The following TRAPPC8 variants were observed in gnomAD, a reference collection of about 807,000 sequenced individuals.
The protein encoded by TRAPPC8 is general sporulation gene 1 homolog.
Under a neutral mutation model 174.3 loss-of-function variants are expected in TRAPPC8, and 54 were observed. The observed-to-expected ratio is 0.31, with a 90% confidence interval of 0.25 to 0.39. TRAPPC8 has a LOEUF of 0.39. Ranked by LOEUF, TRAPPC8 falls within the 10% of genes least tolerant of loss-of-function variation. The pLI is 1.00. For synonymous variants in TRAPPC8, 630 were observed against 579.9 expected (o/e 1.09, Z -1.24); for missense variants, 1,531 against 1,699.1 (o/e 0.90, Z 1.74).
intron 12 of TRAPPC8, among the ~76,000 whole-genome samples, chr18:31,879,905 A>T (rs1433915491): frequency 2.0e-5 from 3 of 150,984 alleles, no homozygotes; most frequent in African/African-American, 7.3e-5. Flanking sequence ...ATCTCCCAAG[A>T]CTGAACAAGG....
Position 31,907,318 on chromosome 18 carries a change from A to G in TRAPPC8, c.1389+142T>C, listed in dbSNP as rs1395669815. 5.4e-6 allele frequency: 4 copies of G among 742,928 alleles called. No individual in the cohort carries two copies. In the Admixed American group the frequency reaches 1.5e-4, roughly 27 times the overall value. The allele number at this position is 742,928 out of a possible 1,614,324, so 46.0% of individuals were successfully genotyped here. A position where few individuals can be genotyped will look rare whatever the true frequency, so the allele number is the denominator to read the frequency against. On this transcript the variant is annotated intron_variant, in intron 9 of 28. Coordinates refer to ENST00000283351, the MANE Select transcript of TRAPPC8 (RefSeq NM_014939.5). ...TCTGAGGGAAATCCATCAACTCAGC[A>G]TTAAGGAATTAACAATCTGTAAAGT...
In TRAPPC8 at chr18:31,886,348, A is replaced by AGT. The variant is rs1568092530; in HGVS notation, c.1728+4386_1728+4387insAC. ...TTTTTAAGTGATGTTTCTTGAGGAA[A>AGT]AAAAAAAAAAAAAAAAAAGGCAACC... On this transcript the variant is annotated intron_variant, in intron 12 of 28. Transcript: ENST00000283351. 5.2e-3 allele frequency among the ~76,000 whole-genome samples: 746 copies of AGT among 144,232 alleles called. 4 individuals carry two copies. The highest frequency in any genetic ancestry group is 0.019 in the African/African-American group (707 of 36,642). 94.6% of individuals were successfully genotyped at this position (144,232 alleles called of 152,430 possible).
At chr18:31,934,711 T>C (rs1418784300) in intron 1 of TRAPPC8, among the ~76,000 whole-genome samples, 1 of 151,660 alleles carries the variant, frequency 6.6e-6, no homozygotes, top group African/African-American at 2.4e-5. Context: ...CTACTAAAAA[T>C]ACAAAATTAG....
chr18:31,866,000 T>C (rs2034568595), intron 18 of TRAPPC8, among the ~76,000 whole-genome samples: 2 of 152,074 alleles, frequency 1.3e-5, no homozygotes, highest in East Asian at 3.9e-4. Flanking sequence ...TGAATTATCC[T>C]AGATACCCAG....
intron 20 of TRAPPC8, 139 bp downstream of exon 20, chr18:31,857,401 C>CA: frequency 1.2e-6 from 1 of 806,870 alleles, no homozygotes; most frequent in Non-Finnish European, 1.8e-6. Context: ...CTATTTGAGA[C>CA]AATTTCAGAT....
intron 10 of TRAPPC8, among the ~76,000 whole-genome samples, chr18:31,898,248 A>C (rs769421866): frequency 2.0e-5 from 3 of 151,950 alleles, no homozygotes; most frequent in Non-Finnish European, 2.9e-5. Context: ...AAATATTTTT[A>C]ATCTGCAATT....
chr18:31,861,140 G>A (rs558256527), intron 19 of TRAPPC8, among the ~76,000 whole-genome samples: 1 of 152,208 alleles, frequency 6.6e-6, no homozygotes, highest in Admixed American at 6.5e-5. Flanking sequence ...CCGCAGAAAT[G>A]GTGAATAAAT....
chr18:31,865,232 GAATATA>G (rs1457375968), intron 18 of TRAPPC8, among the ~76,000 whole-genome samples: 3 of 151,938 alleles, frequency 2.0e-5, no homozygotes, highest in Non-Finnish European at 4.4e-5. Flanking sequence ...ATTATTTCTG[GAATATA>G]AATAACTGAA....
At chr18:31,918,081 A>G (rs984986908) in intron 2 of TRAPPC8, among the ~76,000 whole-genome samples, 11 of 152,142 alleles carry the variant, frequency 7.2e-5, no homozygotes, top group African/African-American at 2.7e-4. Flanking sequence ...AGCTGAAATC[A>G]CACCACTGCA....
chr18:31,849,782 A>G, intron 24 of TRAPPC8, 43 bp from the exon 25 acceptor site: 1 of 1,509,234 alleles, frequency 6.6e-7, no homozygotes, highest in African/African-American at 1.4e-5. Flanking sequence ...GCTTTTAATT[A>G]TGTTGTCAAA....
At position 31,908,374 on chromosome 18, in the gene TRAPPC8, A is replaced by T. The variant is rs746425198; in HGVS notation, c.1167T>A (p.Thr389=). ...CTTTACTGCCACTAAACCATTTTTT[A>T]GTTGCAGAAAATAGAGATCGACTCA... ...KGLSRSLFSA[T]KKWFSGSKVP... Residue 389 remains threonine (T), a synonymous_variant, in exon 8 of 29, where the codon ACT becomes ACA. Transcript: ENST00000283351. The T allele has an allele frequency of 6.2e-7, 1 of 1,605,720 alleles. No homozygotes were observed. The highest frequency in any genetic ancestry group is 1.3e-5 in the African/African-American group (1 of 74,540).
intron 26 of TRAPPC8, chr18:31,844,623 G>C (rs1285225577): frequency 1.3e-5 from 2 of 150,670 alleles, no homozygotes; most frequent in African/African-American, 4.9e-5. Flanking sequence ...GAAAGCACGT[G>C]AACAATGGCC....
At chr18:31,899,338 C>T (rs1434918412) in intron 10 of TRAPPC8, among the ~76,000 whole-genome samples, 3 of 152,156 alleles carry the variant, frequency 2.0e-5, no homozygotes, top group South Asian at 2.1e-4. Flanking sequence ...GTTATTAAGA[C>T]TAAATGAGCA....
chr18:31,891,551 C>T (rs560519251), intron 11 of TRAPPC8, among the ~76,000 whole-genome samples: 37 of 152,276 alleles, frequency 2.4e-4, no homozygotes, highest in South Asian at 4.1e-4. Flanking sequence ...TACTACATTA[C>T]GTCACTGCCC....
chr18:31,939,876 C>G (rs532755963), intron 1 of TRAPPC8: 1 of 152,356 alleles, frequency 6.6e-6, no homozygotes, highest in East Asian at 1.9e-4. Context: ...TGTCTCAAAA[C>G]AAAAAACAAA....
chr18:31,926,015 CAG>C (rs1439802261), intron 2 of TRAPPC8, among the ~76,000 whole-genome samples: 2 of 152,140 alleles, frequency 1.3e-5, no homozygotes, highest in Non-Finnish European at 2.9e-5. Flanking sequence ...TGAAATACTA[CAG>C]AGAAGTGAAG....
chr18:31,855,572 T>C lies in TRAPPC8; in HGVS notation c.3336+88A>G, dbSNP rs189907952. 706 of 1,161,460 alleles carry C rather than the reference T, an allele frequency of 6.1e-4. 1 individual carries two copies. In the African/African-American group the frequency reaches 0.01, roughly 17 times the overall value. The allele number at this position is 1,161,460 out of a possible 1,614,324, so 71.9% of individuals were successfully genotyped here. A position where few individuals can be genotyped will look rare whatever the true frequency, so the allele number is the denominator to read the frequency against. On this transcript the variant is annotated intron_variant, in intron 21 of 28. Coordinates refer to ENST00000283351, the MANE Select transcript of TRAPPC8 (RefSeq NM_014939.5). ...CCTAAAATCCCTAGCTTATGCTGTC[T>C]TGTAAAGGAAAACAAAAACCACTAC... is the stretch of plus-strand genomic sequence containing the variant.
chr18:31,845,999 C>T (rs1470705578), intron 26 of TRAPPC8, among the ~76,000 whole-genome samples: 1 of 152,080 alleles, frequency 6.6e-6, no homozygotes, highest in Admixed American at 6.5e-5. Context: ...CAGAGGCCAC[C>T]TTTTACATAT....
intron 15 of TRAPPC8, 95 bp downstream of exon 15, chr18:31,870,831 C>T (rs1568068270): frequency 2.5e-6 from 3 of 1,177,580 alleles, no homozygotes; most frequent in Non-Finnish European, 3.4e-6. Flanking sequence ...TTTTTGCATC[C>T]CCAGCACCAA....
Sources: allele counts gnomAD v4.1 joint callset (sites outside exome capture counted in the v4.1 genomes callset), GRCh38; gene constraint gnomAD v4.1.1; transcripts MANE v1.5; gene names NCBI Gene and HGNC (gene_info 2026-07-23, HGNC 2026-07-21).